SNX13: variants seen among roughly 807,000 people sequenced by gnomAD.
SNX13 encodes sorting nexin-13.
A neutral mutation model predicts 133.6 loss-of-function variants in SNX13; 45 were observed. The observed-to-expected ratio is 0.34, with a 90% CI of 0.27 to 0.43. The LOEUF is 0.43. SNX13 is among the 20% of genes least tolerant of loss of function. The pLI, the probability that SNX13 is intolerant of heterozygous loss-of-function variation, is 1.00. For synonymous variants in SNX13, 414 were observed against 373.9 expected, an observed-to-expected ratio of 1.11 and a Z score of -1.24; for missense variants, 1,032 against 1,145.1, an observed-to-expected ratio of 0.90 and a Z score of 1.43.
chr7:17,924,076 A>C (rs1410342543), intron 1 of SNX13, among the ~76,000 whole-genome samples: 1 of 152,198 alleles, frequency 6.6e-6, no homozygotes, highest in Non-Finnish European at 1.5e-5. Flanking sequence ...TTTTTAATGC[A>C]TTACAGAATT....
chr7:17,809,282 C>CAAAAAAAAAAAAAAAAAAAA (rs535077123), intron 20 of SNX13, among the ~76,000 whole-genome samples: 3 of 49,276 alleles, frequency 6.1e-5, no homozygotes, highest in African/African-American at 1.6e-4. Flanking sequence ...AGATGGAAAG[C>CAAAAAAAAAAAAAAAAAAAA]AAAAAAAAAA....
At chr7:17,806,101 C>T (rs979639687) in intron 20 of SNX13, among the ~76,000 whole-genome samples, 1 of 152,130 alleles carries the variant, frequency 6.6e-6, no homozygotes, top group South Asian at 2.1e-4. Context: ...TACACAGATG[C>T]TGTATATTCA....
At chr7:17,919,586 G>A (rs1164076487) in intron 1 of SNX13, among the ~76,000 whole-genome samples, 1 of 152,092 alleles carries the variant, frequency 6.6e-6, no homozygotes, top group Non-Finnish European at 1.5e-5. Flanking sequence ...ACTTAGAAAT[G>A]TACCCCTAGA....
At chr7:17,877,043 T>TGG (rs1794803066) in intron 5 of SNX13, among the ~76,000 whole-genome samples, 1 of 128,564 alleles carries the variant, frequency 7.8e-6, no homozygotes, top group Non-Finnish European at 1.6e-5. Flanking sequence ...CTGTTACTTT[T>TGG]TGAAAAAAAA....
chr7:17,803,661 G>A, intron 20 of SNX13, 81 bp from the exon 21 acceptor site: 2 of 1,219,378 alleles, frequency 1.6e-6, no homozygotes, highest in Non-Finnish European at 2.2e-6. Context: ...AAAATATAGA[G>A]TGCAACACTG....
At chr7:17,823,063 T>C (rs1016436317) in intron 17 of SNX13, among the ~76,000 whole-genome samples, 1 of 152,194 alleles carries the variant, frequency 6.6e-6, no homozygotes, top group Non-Finnish European at 1.5e-5. Context: ...CAGCATCCCA[T>C]GGCCTTGGCC....
At position 17,791,807 on chromosome 7, in the gene SNX13, T is replaced by C. The variant is rs1285053360; in HGVS notation, c.*2238A>G. 6.6e-6 allele frequency: 1 copy of C among 152,106 alleles called. No individual in the cohort carries two copies. Among genetic ancestry groups the C allele is most frequent in the Non-Finnish European group, 1.5e-5 (1 of 67,962 alleles). 9.4% of individuals were successfully genotyped at this position (152,106 alleles called of 1,614,324 possible). ...AAGTCATTCAAAAAGTTATCTCTAA[T>C]TTTAGCATGACCACAGCTCTTTCTG... On this transcript the variant is annotated 3_prime_UTR_variant, in exon 26 of 26. Transcript: ENST00000428135.
At chr7:17,886,965 G>A (rs1165060727) in intron 5 of SNX13, among the ~76,000 whole-genome samples, 1 of 139,098 alleles carries the variant, frequency 7.2e-6, no homozygotes, top group African/African-American at 2.7e-5. Flanking sequence ...CACCTCCCTT[G>A]CTCTACAAAA....
At chr7:17,829,426 C>G (rs565557797) in intron 16 of SNX13, among the ~76,000 whole-genome samples, 2 of 151,426 alleles carry the variant, frequency 1.3e-5, no homozygotes, top group South Asian at 4.2e-4. Context: ...TATAAAATGC[C>G]AATGACAGTT....
At chr7:17,858,362 AAAAT>A (rs1792189485) in intron 9 of SNX13, among the ~76,000 whole-genome samples, 2 of 152,094 alleles carry the variant, frequency 1.3e-5, no homozygotes, top group African/African-American at 2.4e-5. Flanking sequence ...AACAATCTGA[AAAAT>A]AAATCAAGAA....
rs1783782775 is a variant in SNX13 at position 17,793,943 on chromosome 7, A to G, written c.*102T>C. 3 of 1,322,730 alleles carry G rather than the reference A, an allele frequency of 2.3e-6. No individual in the cohort carries two copies. The highest frequency in any genetic ancestry group is 2.1e-6 in the Non-Finnish European group (2 of 967,862). The allele number at this position is 1,322,730 out of a possible 1,614,324, so 81.9% of individuals were successfully genotyped here. On this transcript the variant is annotated 3_prime_UTR_variant, in exon 26 of 26. Coordinates refer to ENST00000428135, the MANE Select transcript of SNX13 (RefSeq NM_015132.5). ...ATTAATAATCTATTTTGAGACACTAAAAGACTGGTGCAGACACAACAGTAT... is the reference window on the plus strand; with the variant it reads ...ATTAATAATCTATTTTGAGACACTAGAAGACTGGTGCAGACACAACAGTAT...
intron 15 of SNX13, among the ~76,000 whole-genome samples, chr7:17,833,400 C>A (rs992112276): frequency 6.6e-6 from 1 of 151,778 alleles, no homozygotes; most frequent in Non-Finnish European, 1.5e-5. Context: ...TTTACCAACT[C>A]AGAAAAATGA....
rs1027476521 is a variant in SNX13, at chr7:17,873,111, CCTAA to C, written c.753+413_753+416del. Among the ~76,000 whole-genome samples, 20 of 152,272 alleles carry C rather than the reference CCTAA, an allele frequency of 1.3e-4. No individual in the cohort carries two copies. In the East Asian group the frequency reaches 3.1e-3, roughly 23 times the overall value. ...TTTGTCATAACCAAAAACCAAAGCA[CCTAA>C]CTATCAGCCAGAGACTTCTGGGGGA... is the stretch of plus-strand genomic sequence containing the variant. On this transcript the variant is annotated intron_variant, in intron 8 of 25. Transcript: ENST00000428135.
rs201322412 is a variant in SNX13 at position 17,794,179 on chromosome 7, C to T, written c.2740G>A (p.Gly914Ser). 9.9e-6 allele frequency: 16 copies of T among 1,611,586 alleles called. No individual in the cohort carries two copies. The Admixed American group carries it at 2.3e-4, about 24-fold the overall frequency. Residue 914 changes from glycine (G) to serine (S), a missense_variant, in exon 26 of 26, where the codon GGC (glycine) becomes AGC (serine). Gly to Ser is a moderately conservative substitution (Grantham distance 56, BLOSUM62 0). Coordinates refer to ENST00000428135, the MANE Select transcript of SNX13 (RefSeq NM_015132.5). ...TGTGGAAATAAGGTTTCTAAAAAGC[C>T]TTCCAAGAAGACATAAACCATTCTC... ...NRRMVYVFLE[G>S]FLETLFPQYK...
At chr7:17,936,794 A>G (rs181462698) in intron 1 of SNX13, among the ~76,000 whole-genome samples, 1 of 151,764 alleles carries the variant, frequency 6.6e-6, no homozygotes, top group Admixed American at 6.6e-5. Flanking sequence ...CCATGCTCTA[A>G]TTTCGATATA....
At position 17,805,250 on chromosome 7, in the gene SNX13, T is replaced by TGTGTGTGCGCGCGCGC; in HGVS notation, c.2065-1671_2065-1670insGCGCGCGCGCACACAC. The stretch of plus-strand genomic sequence containing the variant: ...GTGTGTGTGTGTGTGTGTGTGTGTG[T>TGTGTGTGCGCGCGCGC]GCGTGCGCGCGCGCGCATGCATGCA... On this transcript the variant is annotated intron_variant, in intron 20 of 25. Coordinates refer to ENST00000428135, the MANE Select transcript of SNX13 (RefSeq NM_015132.5). Among the ~76,000 whole-genome samples the TGTGTGTGCGCGCGCGC allele has an allele frequency of 7.2e-4, 69 of 95,588 alleles. 1 individual carries two copies. The highest frequency in any genetic ancestry group is 3.2e-3 in the Admixed American group (27 of 8,532). 62.7% of individuals were successfully genotyped at this position (95,588 alleles called of 152,430 possible). A position where few individuals can be genotyped will look rare whatever the true frequency, so the allele number is the denominator to read the frequency against.
At chr7:17,843,726 A>T (rs541726973) in intron 12 of SNX13, among the ~76,000 whole-genome samples, 84 of 152,146 alleles carry the variant, frequency 5.5e-4, no homozygotes, top group African/African-American at 2.0e-3. Flanking sequence ...ATCTTCTCCA[A>T]CTACAATGGG....
At position 17,937,890 on chromosome 7, in the gene SNX13, T is replaced by C. The variant is rs927225018; in HGVS notation, c.12+2394A>G. ...AGGCACATACTACAATTCACCACTTTCTGAGCACAGTAAATGCTTGCTGAG... is the reference window on the plus strand; with the variant it reads ...AGGCACATACTACAATTCACCACTTCCTGAGCACAGTAAATGCTTGCTGAG... On this transcript the variant is annotated intron_variant, in intron 1 of 25. Coordinates refer to ENST00000428135, the MANE Select transcript of SNX13 (RefSeq NM_015132.5). Among the ~76,000 whole-genome samples, 9 of 152,176 alleles carry C rather than the reference T, an allele frequency of 5.9e-5. No individual in the cohort carries two copies. In the South Asian group the frequency reaches 1.4e-3, roughly 24 times the overall value.
rs756917315 is a variant in SNX13 at position 17,834,791 on chromosome 7, G to T, written c.1434C>A (p.Thr478=). 169 of 1,608,194 alleles carry T rather than the reference G, an allele frequency of 1.1e-4. No homozygotes were observed. Among genetic ancestry groups the T allele is most frequent in the Admixed American group, 5.2e-4 (31 of 59,638 alleles). The change falls in exon 14 of 26, where the codon ACC becomes ACA. Residue 478 remains threonine (T), a synonymous_variant. Coordinates refer to ENST00000428135, the MANE Select transcript of SNX13 (RefSeq NM_015132.5). The stretch of plus-strand genomic sequence containing the variant: ...TTTGAATGTCATCAAAGATTTCAGG[G>T]GTTGGATCTTCATGATTCAAAGTAT... ...LADTLNHEDP[T]PEIFDDIQRK...
Sources: allele counts gnomAD v4.1 joint callset (sites outside exome capture counted in the v4.1 genomes callset), GRCh38; gene constraint gnomAD v4.1.1; transcripts MANE v1.5; gene names NCBI Gene and HGNC (gene_info 2026-07-23, HGNC 2026-07-21).